MNDA: variants seen among roughly 807,000 people sequenced by gnomAD.
The protein encoded by MNDA is myeloid cell nuclear differentiation antigen.
MNDA carries 43 observed loss-of-function variants against 37.8 expected under a neutral mutation model. The ratio of observed to expected loss-of-function variants is 1.14; its 90% CI spans 0.89 to 1.47. MNDA has a LOEUF of 1.47. Among genes scored for constraint, MNDA ranks in the 40% most tolerant of loss-of-function variants. The pLI, the probability that MNDA is intolerant of heterozygous loss-of-function variation, is 0.00. For synonymous variants in MNDA, 181 were observed against 169.0 expected, an observed-to-expected ratio of 1.07 and a Z score of -0.55; for missense variants, 536 against 476.0, an observed-to-expected ratio of 1.13 and a Z score of -1.17.
At chr1:158,838,897 GTTT>G (rs1417944772) in intron 1 of MNDA, among the ~76,000 whole-genome samples, 10 of 152,168 alleles carry the variant, frequency 6.6e-5, no homozygotes, top group African/African-American at 2.4e-4. Context: ...CAGTCAATGT[GTTT>G]TTCAGCTTCA....
chr1:158,837,561 T>A (rs1571653295), intron 1 of MNDA, among the ~76,000 whole-genome samples: 1 of 151,810 alleles, frequency 6.6e-6, no homozygotes, highest in South Asian at 2.1e-4. Flanking sequence ...ATATCTCTTT[T>A]ATTCCTTCAC....
At chr1:158,841,938 G>T (rs1197938006) in intron 1 of MNDA, among the ~76,000 whole-genome samples, 196 bp from the exon 2 acceptor site, 1 of 152,186 alleles carries the variant, frequency 6.6e-6, no homozygotes, top group Non-Finnish European at 1.5e-5. Flanking sequence ...TAAAAGGGAA[G>T]AACTTCACTG....
At position 158,831,525 on chromosome 1, in the gene MNDA, C is replaced by T. The variant is rs1658803326; in HGVS notation, c.-53C>T. On this transcript the variant is annotated 5_prime_UTR_variant, in exon 1 of 7. Transcript: ENST00000368141. The stretch of plus-strand genomic sequence containing the variant: ...AAACAAGACAGTGACTCCAGGATTT[C>T]TGAAGACTATTGTGGAAGAAGCATC... The T allele has an allele frequency of 6.6e-6, 1 of 152,148 alleles. No individual in the cohort carries two copies. Among genetic ancestry groups the T allele is most frequent in the African/African-American group, 2.4e-5 (1 of 41,432 alleles). 9.4% of individuals were successfully genotyped at this position (152,148 alleles called of 1,614,324 possible).
intron 1 of MNDA, among the ~76,000 whole-genome samples, chr1:158,841,063 G>GA (rs1659021209): frequency 6.6e-6 from 1 of 152,122 alleles, no homozygotes; most frequent in Non-Finnish European, 1.5e-5. Context: ...GTGAGAGTGG[G>GA]ACCACAACAG....
chr1:158,847,780 C>T lies in MNDA; in HGVS notation c.1040C>T (p.Ser347Phe), dbSNP rs914856154. Residue 347 changes from serine to phenylalanine, a missense_variant, in exon 6 of 7, where the codon TCC becomes TTC. Ser to Phe is a radical substitution (Grantham distance 155). Transcript: ENST00000368141. ...TIYEIQDNTG[S>F]MDVVGSGKWH... ...TATGAAATACAGGATAATACAGGATCCATGGATGTAGTGGGGAGTGGAAAA... is the reference window on the plus strand; with the variant it reads ...TATGAAATACAGGATAATACAGGATTCATGGATGTAGTGGGGAGTGGAAAA... The T allele has an allele frequency of 7.4e-6, 12 of 1,613,712 alleles. No individual in the cohort carries two copies. In the Admixed American group the frequency reaches 1.5e-4, roughly 20 times the overall value.
Position 158,845,839 on chromosome 1 carries a change from A to G in MNDA, c.823A>G (p.Lys275Glu). ...TACCATATCTGATTACTCTGAATGT[A>G]AAGGAGTAATGGAAATAAAGGAAGC... ...VITISDYSEC[K>E]GVMEIKEASS... Residue 275 changes from lysine (K) to glutamate (E), a missense_variant, in exon 5 of 7, where the codon AAA becomes GAA. Physicochemically the swap from Lys to Glu is moderately conservative, Grantham distance 56. Transcript: ENST00000368141. The G allele has an allele frequency of 6.2e-7, 1 of 1,614,182 alleles. No homozygotes were observed. The highest frequency in any genetic ancestry group is 8.5e-7 in the Non-Finnish European group (1 of 1,179,994).
At chr1:158,833,063 C>G (rs915802964) in intron 1 of MNDA, among the ~76,000 whole-genome samples, 12 of 152,084 alleles carry the variant, frequency 7.9e-5, no homozygotes, top group Non-Finnish European at 1.8e-4. Flanking sequence ...CTTCTGGTCC[C>G]CCAAACATAC....
chr1:158,833,158 A>G (rs1658838373), intron 1 of MNDA, among the ~76,000 whole-genome samples: 1 of 152,142 alleles, frequency 6.6e-6, no homozygotes, highest in African/African-American at 2.4e-5. Flanking sequence ...GATAGTAAAA[A>G]CACTAATTAA....
At position 158,849,488 on chromosome 1, in the gene MNDA, T is replaced by A. The variant is rs567160173; in HGVS notation, c.*251T>A. ...CATTCACGAGGCAAAAAATAAAATA[T>A]CTTTTTTTGAAGGACATTATTTTCC... On this transcript the variant is annotated 3_prime_UTR_variant, in exon 7 of 7. Coordinates refer to ENST00000368141, the MANE Select transcript of MNDA (RefSeq NM_002432.3). 3 of 425,570 alleles carry A rather than the reference T, an allele frequency of 7.0e-6. No homozygotes were observed. The South Asian group carries it at 8.9e-5, about 13-fold the overall frequency. 26.4% of individuals were successfully genotyped at this position (425,570 alleles called of 1,614,324 possible).
At chr1:158,839,831 G>A (rs767191516) in intron 1 of MNDA, among the ~76,000 whole-genome samples, 1 of 152,116 alleles carries the variant, frequency 6.6e-6, no homozygotes, top group Non-Finnish European at 1.5e-5. Flanking sequence ...TTCATAAATT[G>A]TTCTTTATTT....
chr1:158,836,202 G>A (rs1658913166), intron 1 of MNDA, among the ~76,000 whole-genome samples: 1 of 151,882 alleles, frequency 6.6e-6, no homozygotes, highest in East Asian at 1.9e-4. Context: ...TTTTTCTAGT[G>A]CCTCTGTCTG....
chr1:158,848,248 G>A (rs1479323944), intron 6 of MNDA, among the ~76,000 whole-genome samples: 2 of 152,080 alleles, frequency 1.3e-5, no homozygotes, highest in Admixed American at 6.6e-5. Flanking sequence ...CTGATATTGG[G>A]GAAACAGTTT....
At position 158,845,746 on chromosome 1, in the gene MNDA, A is replaced by G. The variant is rs1558058119; in HGVS notation, c.730A>G (p.Thr244Ala). The G allele has an allele frequency of 1.9e-6, 3 of 1,614,058 alleles. No individual in the cohort carries two copies. In the African/African-American group the frequency reaches 4.0e-5, roughly 22 times the overall value. Reference protein sequence around the residue: ...TMFHATVASKTQYFHVKVFDI... With the variant: ...TMFHATVASKAQYFHVKVFDI... ...GTTTCATGCTACAGTGGCCAGTAAG[A>G]CTCAATATTTCCATGTGAAAGTCTT... The change falls in exon 5 of 7, where the codon ACT becomes GCT. Residue 244 changes from threonine to alanine, a missense_variant. By Grantham distance (58) the Thr-to-Ala change is moderately conservative. Transcript: ENST00000368141.
At chr1:158,847,960 T>A in intron 6 of MNDA, 44 bp downstream of exon 6, 1 of 1,569,712 alleles carries the variant, frequency 6.4e-7, no homozygotes, top group Non-Finnish European at 8.7e-7. Context: ...AAGAGGCAAA[T>A]AATTTTGCTT....
chr1:158,838,475 T>A (rs1254299747), intron 1 of MNDA, among the ~76,000 whole-genome samples: 1 of 152,114 alleles, frequency 6.6e-6, no homozygotes, highest in Non-Finnish European at 1.5e-5. Flanking sequence ...TTCTTGGATA[T>A]AATGAGTTGC....
chr1:158,833,389 T>C (rs1158959123), intron 1 of MNDA, among the ~76,000 whole-genome samples: 2 of 152,214 alleles, frequency 1.3e-5, no homozygotes, highest in Admixed American at 6.5e-5. Flanking sequence ...AGTTCAGTAG[T>C]ATTAAATACA....
At chr1:158,841,964 C>A (rs1659036112) in intron 1 of MNDA, among the ~76,000 whole-genome samples, 170 bp from the exon 2 acceptor site, 1 of 152,164 alleles carries the variant, frequency 6.6e-6, no homozygotes, top group African/African-American at 2.4e-5. Flanking sequence ...CCTAATAAAG[C>A]AAGTCTTGAT....
rs1037660677 is a variant in MNDA at position 158,847,719 on chromosome 1, C to T, written c.988-9C>T. Reference sequence around the variant, plus strand: ...CTCTCAGAAACAGGATGTTAATCTTCTTTTGCAGAAAAGCGTACACAAGAA... The same window carrying T: ...CTCTCAGAAACAGGATGTTAATCTTTTTTTGCAGAAAAGCGTACACAAGAA... On this transcript the variant is annotated splice_polypyrimidine_tract_variant and intron_variant, in intron 5 of 6. Transcript: ENST00000368141. 1.2e-6 allele frequency: 2 copies of T among 1,606,474 alleles called. No homozygotes were observed. The highest frequency in any genetic ancestry group is 3.4e-5 in the Admixed American group (2 of 59,144).
intron 1 of MNDA, among the ~76,000 whole-genome samples, chr1:158,836,344 C>G (rs1380099460): frequency 1.3e-5 from 2 of 151,908 alleles, no homozygotes; most frequent in Non-Finnish European, 2.9e-5. Context: ...ACCAGTAAAA[C>G]CACTTAGTCT....
Sources: allele counts gnomAD v4.1 joint callset (sites outside exome capture counted in the v4.1 genomes callset), GRCh38; gene constraint gnomAD v4.1.1; transcripts MANE v1.5; gene names NCBI Gene and HGNC (gene_info 2026-07-23, HGNC 2026-07-21).